Variants in SGCZ observed in about 807,000 individuals in gnomAD.
SGCZ encodes the protein zeta-sarcoglycan.
In SGCZ, 40 loss-of-function variants were observed where a neutral mutation model predicts 41.3. That is an observed-to-expected ratio of 0.97 (90% CI 0.75 to 1.26). The LOEUF (loss-of-function observed/expected upper bound fraction) is 1.26, where lower values mean the gene tolerates loss of function less well. SGCZ is among the 50% of genes most tolerant of loss of function. The probability of loss-of-function intolerance (pLI) is 0.00; values close to 1 mark genes in which losing one functional copy is unlikely to be tolerated. For missense variants in SGCZ, 552 were observed against 369.8 expected (o/e 1.49, Z -4.04); for synonymous variants, 206 against 137.5 (o/e 1.50, Z -3.49).
chr8:15,141,675 G>A (rs919895931), intron 1 of SGCZ, among the ~76,000 whole-genome samples: 11 of 152,134 alleles, frequency 7.2e-5, no homozygotes, highest in Admixed American at 2.6e-4. Flanking sequence ...AGGCCAAGGC[G>A]GGAGGATCAC....
At chr8:15,047,737 G>C (rs1328544542) in intron 1 of SGCZ, among the ~76,000 whole-genome samples, 1 of 151,926 alleles carries the variant, frequency 6.6e-6, no homozygotes, top group South Asian at 2.1e-4. Context: ...TGTTTCTATA[G>C]CTGCATTAAC....
At chr8:15,189,977 C>G (rs10503540) in intron 1 of SGCZ, among the ~76,000 whole-genome samples, 42,161 of 152,064 alleles carry the variant, frequency 0.28, 7,717 homozygotes, top group Non-Finnish European at 0.39. Context: ...TATTTCAGAC[C>G]CATAATAACC....
rs565720849 is a variant in SGCZ at position 14,579,188 on chromosome 8, G to A, written c.40-24262C>T. On this transcript the variant is annotated intron_variant, in intron 1 of 7. Transcript: ENST00000382080. ...TTATTTATACTCTATTAGCTAAAAT[G>A]TCAACAGCCAATGTTACTAAAGTCA... Among the ~76,000 whole-genome samples the A allele has an allele frequency of 1.1e-4, 16 of 152,202 alleles. No homozygotes were observed. The South Asian group carries it at 3.1e-3, about 30-fold the overall frequency.
chr8:15,092,582 T>C (rs1230081392), intron 1 of SGCZ, among the ~76,000 whole-genome samples: 1 of 152,228 alleles, frequency 6.6e-6, no homozygotes, highest in Non-Finnish European at 1.5e-5. Context: ...CTTTAAAATC[T>C]GTTTTGTATA....
intron 2 of SGCZ, among the ~76,000 whole-genome samples, chr8:14,327,630 T>C (rs776462231): frequency 6.6e-6 from 1 of 152,228 alleles, no homozygotes; most frequent in Non-Finnish European, 1.5e-5. Flanking sequence ...TGTTATTACT[T>C]ATGCTATGTG....
At chr8:14,964,649 A>G (rs760908820) in intron 1 of SGCZ, among the ~76,000 whole-genome samples, 5 of 152,120 alleles carry the variant, frequency 3.3e-5, no homozygotes, top group Non-Finnish European at 7.3e-5. Context: ...CTGAATTGAA[A>G]CAAGCGTTAT....
chr8:14,769,332 T>A (rs1451314342), intron 1 of SGCZ, among the ~76,000 whole-genome samples: 1 of 152,166 alleles, frequency 6.6e-6, no homozygotes, highest in Non-Finnish European at 1.5e-5. Context: ...CAATTTATTA[T>A]GGGGGAAAAA....
intron 1 of SGCZ, among the ~76,000 whole-genome samples, chr8:14,780,419 A>G (rs1315380452): frequency 6.6e-6 from 1 of 151,586 alleles, no homozygotes; most frequent in Middle Eastern, 3.2e-3. Context: ...AAATACAACC[A>G]CTTAGTTTCT....
chr8:14,975,185 AG>A (rs1303569518), intron 1 of SGCZ, among the ~76,000 whole-genome samples: 19 of 152,328 alleles, frequency 1.2e-4, no homozygotes, highest in African/African-American at 4.6e-4. Flanking sequence ...GGCTGCCTGT[AG>A]CCCCAGCTAC....
chr8:14,261,572 C>G (rs888701055), intron 3 of SGCZ, among the ~76,000 whole-genome samples: 1 of 152,140 alleles, frequency 6.6e-6, no homozygotes, highest in Non-Finnish European at 1.5e-5. Context: ...GTCTGTTCAT[C>G]TGGACCAATG....
chr8:14,613,737 G>C (rs181075020), intron 1 of SGCZ, among the ~76,000 whole-genome samples: 1 of 151,470 alleles, frequency 6.6e-6, no homozygotes, highest in South Asian at 2.1e-4. Context: ...TTAGACATAA[G>C]AATTATGGAG....
intron 1 of SGCZ, among the ~76,000 whole-genome samples, chr8:15,015,983 TTCTC>T (rs1370104266): frequency 1.3e-5 from 2 of 152,156 alleles, no homozygotes; most frequent in Non-Finnish European, 2.9e-5. Flanking sequence ...AAAATTATTT[TTCTC>T]TCTATCTCCA....
At chr8:14,930,093 G>A (rs549050214) in intron 1 of SGCZ, among the ~76,000 whole-genome samples, 6 of 151,874 alleles carry the variant, frequency 4.0e-5, no homozygotes, top group Admixed American at 2.0e-4. Flanking sequence ...AATGACTTAC[G>A]AATCATATGA....
intron 1 of SGCZ, among the ~76,000 whole-genome samples, chr8:14,603,628 T>C (rs965229490): frequency 2.7e-4 from 41 of 152,212 alleles, no homozygotes; most frequent in African/African-American, 9.4e-4. Context: ...TAAGTTTATA[T>C]GGTGAGATAG....
intron 6 of SGCZ, among the ~76,000 whole-genome samples, chr8:14,106,119 C>CTAAG (rs1802194853): frequency 6.6e-6 from 1 of 152,078 alleles, no homozygotes. Context: ...TTCAGCTTTG[C>CTAAG]TAAGTTTCAG....
At chr8:14,539,322 C>G (rs751626018) in intron 2 of SGCZ, among the ~76,000 whole-genome samples, 1 of 151,852 alleles carries the variant, frequency 6.6e-6, no homozygotes, top group South Asian at 2.1e-4. Flanking sequence ...CATCCTATTG[C>G]TTCTGTTTGT....
At chr8:14,762,147 G>T (rs1585239116) in intron 1 of SGCZ, among the ~76,000 whole-genome samples, 1 of 152,082 alleles carries the variant, frequency 6.6e-6, no homozygotes, top group Non-Finnish European at 1.5e-5. Flanking sequence ...GAGATTGCAT[G>T]AACATTTATA....
intron 1 of SGCZ, among the ~76,000 whole-genome samples, chr8:15,201,044 T>A (rs753138101): frequency 6.6e-6 from 1 of 152,186 alleles, no homozygotes; most frequent in Non-Finnish European, 1.5e-5. Flanking sequence ...TTAGACAAAG[T>A]CTCACTCTGT....
intron 1 of SGCZ, among the ~76,000 whole-genome samples, chr8:15,072,704 G>C (rs955047410): frequency 1.3e-5 from 2 of 152,086 alleles, no homozygotes; most frequent in African/African-American, 4.8e-5. Context: ...AGAAAACCTA[G>C]GCCTCCAAAG....
Sources: allele counts gnomAD v4.1 joint callset (sites outside exome capture counted in the v4.1 genomes callset), GRCh38; gene constraint gnomAD v4.1.1; transcripts MANE v1.5; gene names NCBI Gene and HGNC (gene_info 2026-07-23, HGNC 2026-07-21).